TENM4: variants seen among roughly 807,000 people sequenced by gnomAD.
TENM4 encodes teneurin-4.
A neutral mutation model predicts 243.3 loss-of-function variants in TENM4; 82 were observed. The ratio of observed to expected loss-of-function variants is 0.34; its 90% CI spans 0.28 to 0.40. The LOEUF (loss-of-function observed/expected upper bound fraction) is 0.40. Ranked by LOEUF, TENM4 falls within the 10% of genes least tolerant of loss-of-function variation. The pLI is 1.00. For synonymous variants in TENM4, 1,412 were observed against 1,456.3 expected, an observed-to-expected ratio of 0.97 and a Z score of 0.69; for missense variants, 3,138 against 3,673.3, an observed-to-expected ratio of 0.85 and a Z score of 3.77.
At chr11:79,410,938 T>C (rs1489206831) in intron 1 of TENM4, among the ~76,000 whole-genome samples, 1 of 152,094 alleles carries the variant, frequency 6.6e-6, no homozygotes, top group Non-Finnish European at 1.5e-5. Context: ...ATCATCCCTG[T>C]GCCCCTCTAC....
In TENM4 at chr11:79,135,749, AC is replaced by A. The variant is rs762434336; in HGVS notation, c.-66+12960del. On this transcript the variant is annotated intron_variant, in intron 4 of 33. Coordinates refer to ENST00000278550, the MANE Select transcript of TENM4 (RefSeq NM_001098816.3). The stretch of plus-strand genomic sequence containing the variant: ...CATATATGATATATACATCATATAT[AC>A]ATATATGTATATATCATATATACAT... Among the ~76,000 whole-genome samples, 357 of 147,344 alleles carry A rather than the reference AC, an allele frequency of 2.4e-3. 1 individual carries two copies. The highest frequency in any genetic ancestry group is 7.8e-3 in the African/African-American group (317 of 40,526).
intron 6 of TENM4, among the ~76,000 whole-genome samples, chr11:79,025,669 C>T (rs1243136754): frequency 1.3e-5 from 2 of 152,114 alleles, no homozygotes; most frequent in African/African-American, 2.4e-5. Flanking sequence ...TATGTAAAGC[C>T]AAAAGGATCT....
At chr11:79,074,820 C>T (rs182150123) in intron 4 of TENM4, among the ~76,000 whole-genome samples, 4 of 152,272 alleles carry the variant, frequency 2.6e-5, no homozygotes, top group African/African-American at 9.6e-5. Flanking sequence ...ACAGGTAGCC[C>T]CTCCTCCAGG....
intron 1 of TENM4, among the ~76,000 whole-genome samples, chr11:79,319,439 G>C (rs78121941): frequency 0.012 from 1,759 of 152,162 alleles, 39 homozygotes; most frequent in African/African-American, 0.04. Context: ...TGAACAGCAT[G>C]CTCCTTTTTT....
intron 1 of TENM4, among the ~76,000 whole-genome samples, chr11:79,384,538 C>T (rs1858069045): frequency 6.6e-6 from 1 of 152,180 alleles, no homozygotes; most frequent in Non-Finnish European, 1.5e-5. Flanking sequence ...GACTCACCTG[C>T]TGTATGAACA....
At chr11:78,739,601 A>G (rs560372661) in intron 19 of TENM4, among the ~76,000 whole-genome samples, 27 of 152,228 alleles carry the variant, frequency 1.8e-4, no homozygotes, top group African/African-American at 6.5e-4. Flanking sequence ...TAAATGGGAC[A>G]ACTAGAGATC....
intron 6 of TENM4, among the ~76,000 whole-genome samples, chr11:78,905,845 GA>G (rs1460122700): frequency 1.3e-5 from 2 of 152,258 alleles, no homozygotes; most frequent in Non-Finnish European, 2.9e-5. Flanking sequence ...GGACGAGAAA[GA>G]AGGTGAGAAT....
At chr11:79,002,065 C>T (rs939747035) in intron 6 of TENM4, among the ~76,000 whole-genome samples, 24 of 152,074 alleles carry the variant, frequency 1.6e-4, no homozygotes, top group Non-Finnish European at 2.8e-4. Context: ...TACCCCACTG[C>T]ACTAGCTGGC....
Position 78,672,223 on chromosome 11 carries a change from G to A in TENM4, c.5603C>T (p.Ala1868Val), listed in dbSNP as rs747100917. ...GGGTGACCAGAGGCTGGGCCGCCCC[G>A]CCTGGTCGTACAGAATCCGAAGGGT... is the stretch of plus-strand genomic sequence containing the variant. ...KFTLRILYDQAGRPSLWSPSS... is the reference protein window; with the variant it reads ...KFTLRILYDQVGRPSLWSPSS... Residue 1868 changes from alanine (A) to valine (V), a missense_variant, in exon 31 of 34, where the codon GCG (alanine) becomes GTG (valine). Physicochemically the swap from Ala to Val is moderately conservative, Grantham distance 64. Coordinates refer to ENST00000278550, the MANE Select transcript of TENM4 (RefSeq NM_001098816.3). 42 of 1,613,930 alleles carry A rather than the reference G, an allele frequency of 2.6e-5. No homozygotes were observed. Among genetic ancestry groups the A allele is most frequent in the African/African-American group, 9.3e-5 (7 of 74,946 alleles).
chr11:79,175,534 T>C (rs1254548488), intron 3 of TENM4, among the ~76,000 whole-genome samples: 3 of 152,198 alleles, frequency 2.0e-5, no homozygotes, highest in African/African-American at 7.2e-5. Context: ...AAGAGATGAA[T>C]ATTTAATGAC....
intron 12 of TENM4, among the ~76,000 whole-genome samples, chr11:78,824,443 T>G (rs1248285537): frequency 6.6e-6 from 1 of 151,896 alleles, no homozygotes; most frequent in Admixed American, 6.6e-5. Context: ...CACTCCCTTT[T>G]CAGAAATCTC....
chr11:79,302,362 A>G (rs1481819763), intron 1 of TENM4, among the ~76,000 whole-genome samples: 1 of 152,186 alleles, frequency 6.6e-6, no homozygotes, highest in African/African-American at 2.4e-5. Flanking sequence ...CACTAGGGTG[A>G]AAGTATCTCA....
At chr11:79,181,005 C>T (rs1863271869) in intron 3 of TENM4, among the ~76,000 whole-genome samples, 1 of 145,338 alleles carries the variant, frequency 6.9e-6, no homozygotes, top group Admixed American at 6.8e-5. Context: ...GTGAATTCTA[C>T]CAAACACGTA....
chr11:78,657,749 C>G lies in TENM4; in HGVS notation c.*309G>C, dbSNP rs79382356. The G allele has an allele frequency of 0.012, 5,480 of 473,026 alleles. 257 individuals carry two copies. Among genetic ancestry groups the G allele is most frequent in the African/African-American group, 0.098 (4,980 of 50,918 alleles). The allele number at this position is 473,026 out of a possible 1,614,324, so 29.3% of individuals were successfully genotyped here. A position where few individuals can be genotyped will look rare whatever the true frequency, so the allele number is the denominator to read the frequency against. ...AGGACACACCCCAGGAGATGCATCT[C>G]AGAGAGGAGATACATACCCCAAACG... On this transcript the variant is annotated 3_prime_UTR_variant, in exon 34 of 34. Coordinates refer to ENST00000278550, the MANE Select transcript of TENM4 (RefSeq NM_001098816.3).
intron 6 of TENM4, among the ~76,000 whole-genome samples, chr11:79,047,838 G>A (rs1398440260): frequency 6.6e-6 from 1 of 152,092 alleles, no homozygotes. Context: ...GATTTTAAGA[G>A]GAGAATGAAA....
At chr11:78,720,188 C>A (rs1011160542) in intron 25 of TENM4, among the ~76,000 whole-genome samples, 182 bp downstream of exon 25, 4 of 152,202 alleles carry the variant, frequency 2.6e-5, no homozygotes, top group African/African-American at 2.4e-5. Context: ...GGAGTTCAGG[C>A]TCCTGCCACC....
At chr11:78,960,946 C>T (rs190524642) in intron 6 of TENM4, among the ~76,000 whole-genome samples, 19 of 152,314 alleles carry the variant, frequency 1.2e-4, no homozygotes, top group African/African-American at 4.3e-4. Flanking sequence ...GTTCCAGGCA[C>T]TGTGATGGGT....
intron 3 of TENM4, among the ~76,000 whole-genome samples, chr11:79,186,213 C>T (rs1265025177): frequency 6.6e-6 from 1 of 152,102 alleles, no homozygotes; most frequent in East Asian, 1.9e-4. Context: ...TTATGCTTGT[C>T]ATTGGCTAAG....
At position 79,413,528 on chromosome 11, in the gene TENM4, G is replaced by A. The variant is rs568442170; in HGVS notation, c.-321+26981C>T. 1.7e-3 allele frequency among the ~76,000 whole-genome samples: 265 copies of A among 152,308 alleles called. 2 individuals are homozygous for A. Among genetic ancestry groups the A allele is most frequent in the African/African-American group, 6.1e-3 (255 of 41,580 alleles). On this transcript the variant is annotated intron_variant, in intron 1 of 33. Transcript: ENST00000278550. ...CACAAGGTTCCCATGAGACCTTCAC[G>A]GCCAGCCCCTAACAGCTGCCTCAGC...
Sources: allele counts gnomAD v4.1 joint callset (sites outside exome capture counted in the v4.1 genomes callset), GRCh38; gene constraint gnomAD v4.1.1; transcripts MANE v1.5; gene names NCBI Gene and HGNC (gene_info 2026-07-23, HGNC 2026-07-21).